The following TBC1D1 variants were observed in gnomAD, a reference collection of about 807,000 sequenced individuals.
The protein encoded by TBC1D1 is TBC1 domain family member 1.
In TBC1D1, 89 loss-of-function variants were observed where a neutral mutation model predicts 125.6. The ratio of observed to expected loss-of-function variants is 0.71; its 90% CI spans 0.60 to 0.85. TBC1D1 has a LOEUF of 0.85. Among genes scored for constraint, TBC1D1 ranks in the 40% least tolerant of loss-of-function variants. TBC1D1 has a pLI of 0.00. For synonymous variants in TBC1D1, 565 were observed against 564.1 expected, an observed-to-expected ratio of 1.00 and a Z score of -0.02; for missense variants, 1,377 against 1,469.2, an observed-to-expected ratio of 0.94 and a Z score of 1.03.
At chr4:38,130,321 T>C (rs972781273) in intron 18 of TBC1D1, among the ~76,000 whole-genome samples, 15 of 152,236 alleles carry the variant, frequency 9.9e-5, no homozygotes, top group African/African-American at 3.6e-4. Context: ...ATATAAAAGT[T>C]GTATTTGGTG....
intron 2 of TBC1D1, among the ~76,000 whole-genome samples, chr4:37,913,228 T>C (rs531352105): frequency 3.3e-5 from 5 of 152,188 alleles, no homozygotes; most frequent in Non-Finnish European, 7.3e-5. Context: ...GATGCTTATA[T>C]GCTTGGTTCC....
chr4:38,052,194 T>TGTGTGTGTGTGTGTGTGTGTGTGC lies in TBC1D1; in HGVS notation c.1911-2004_1911-2003insTGTGTGTGTGTGTGTGTGTGTGCG, dbSNP rs755025486. 45 of 581,516 alleles carry TGTGTGTGTGTGTGTGTGTGTGTGC rather than the reference T, an allele frequency of 7.7e-5. No individual in the cohort carries two copies. In the South Asian group the frequency reaches 9.1e-4, roughly 12 times the overall value. The allele number at this position is 581,516 out of a possible 1,614,324, so 36.0% of individuals were successfully genotyped here. On this transcript the variant is annotated intron_variant, in intron 11 of 19. Coordinates refer to ENST00000261439, the MANE Select transcript of TBC1D1 (RefSeq NM_015173.4). Reference sequence around the variant, plus strand: ...GTGTGTGTGTGTGTGTGTGTGTGTGTGCGCGCGCGTGTGTGTCTTTGTTTA... The same window carrying TGTGTGTGTGTGTGTGTGTGTGTGC: ...GTGTGTGTGTGTGTGTGTGTGTGTGTGTGTGTGTGTGTGTGTGTGTGTGCGCGCGCGCGTGTGTGTCTTTGTTTA...
chr4:37,922,958 CTT>C (rs1274501126), intron 2 of TBC1D1, among the ~76,000 whole-genome samples: 5 of 149,034 alleles, frequency 3.4e-5, no homozygotes, highest in Non-Finnish European at 7.4e-5. Flanking sequence ...AGTTCTCTCT[CTT>C]TTTTTTTTAA....
At position 38,038,167 on chromosome 4, in the gene TBC1D1, T is replaced by C. The variant is rs914277730; in HGVS notation, c.1413+2469T>C. On this transcript the variant is annotated intron_variant, in intron 8 of 19. Transcript: ENST00000261439. Reference sequence around the variant, plus strand: ...TGAGTAGTGGAGCCACTTTGTCTGATGTCTAAGTACTTTATCTTAATTATT... The same window carrying C: ...TGAGTAGTGGAGCCACTTTGTCTGACGTCTAAGTACTTTATCTTAATTATT... Among the ~76,000 whole-genome samples, 5 of 152,220 alleles carry C rather than the reference T, an allele frequency of 3.3e-5. No homozygotes were observed. In the South Asian group the frequency reaches 1.0e-3, roughly 32 times the overall value.
chr4:37,961,094 T>G, intron 2 of TBC1D1: 1 of 1,546,038 alleles, frequency 6.5e-7, no homozygotes. Context: ...TAAAGCATTA[T>G]TTGTTTAACA....
chr4:38,056,796 A>G (rs1193439243), intron 12 of TBC1D1, among the ~76,000 whole-genome samples: 1 of 152,122 alleles, frequency 6.6e-6, no homozygotes, highest in Non-Finnish European at 1.5e-5. Context: ...CAACAGAGTG[A>G]GACCTTGTCT....
At chr4:37,940,991 T>C (rs958681436) in intron 2 of TBC1D1, among the ~76,000 whole-genome samples, 1 of 152,198 alleles carries the variant, frequency 6.6e-6, no homozygotes, top group African/African-American at 2.4e-5. Context: ...TTCTCTTTTT[T>C]TGTTGTGTCT....
chr4:38,015,050 G>A (rs1037897510), intron 3 of TBC1D1, 77 bp downstream of exon 3: 1 of 1,229,888 alleles, frequency 8.1e-7, no homozygotes, highest in African/African-American at 1.5e-5. Flanking sequence ...ATGGAGCGAA[G>A]ATTCTTAGTC....
chr4:38,084,615 C>G (rs1757157551), intron 12 of TBC1D1, among the ~76,000 whole-genome samples: 1 of 152,120 alleles, frequency 6.6e-6, no homozygotes, highest in South Asian at 2.1e-4. Context: ...GATGTTAATC[C>G]CGTTGTTGTT....
At chr4:37,967,926 A>T (rs1443886515) in intron 2 of TBC1D1, among the ~76,000 whole-genome samples, 1 of 152,202 alleles carries the variant, frequency 6.6e-6, no homozygotes, top group African/African-American at 2.4e-5. Flanking sequence ...TTTTTCCATG[A>T]ATTTGAAACA....
At chr4:38,039,941 C>T (rs1390224906) in intron 8 of TBC1D1, among the ~76,000 whole-genome samples, 1 of 151,240 alleles carries the variant, frequency 6.6e-6, no homozygotes, top group African/African-American at 2.4e-5. Flanking sequence ...TAGCGAGACC[C>T]CCATCTCTGT....
intron 1 of TBC1D1, among the ~76,000 whole-genome samples, chr4:37,892,717 G>T (rs1713619723): frequency 6.6e-6 from 1 of 152,150 alleles, no homozygotes; most frequent in Non-Finnish European, 1.5e-5. Flanking sequence ...GAGTGCTGGG[G>T]CTTCCCCTTT....
intron 6 of TBC1D1, among the ~76,000 whole-genome samples, chr4:38,024,180 AT>A (rs1297223088): frequency 6.6e-6 from 1 of 152,220 alleles, no homozygotes; most frequent in Admixed American, 6.5e-5. Flanking sequence ...CGTTGTTACT[AT>A]TTGCTGACAT....
At chr4:38,109,681 T>C (rs959444397) in intron 15 of TBC1D1, among the ~76,000 whole-genome samples, 13 of 152,146 alleles carry the variant, frequency 8.5e-5, no homozygotes, top group African/African-American at 2.9e-4. Flanking sequence ...AACAATCTGC[T>C]CCTAGAAGGA....
At chr4:38,006,768 T>G (rs371107775) in intron 2 of TBC1D1, 3 of 461,520 alleles carry the variant, frequency 6.5e-6, no homozygotes, top group South Asian at 1.6e-5. Flanking sequence ...CGTGAGCCAC[T>G]GCGCCTGGCC....
chr4:38,044,037 G>A (rs1002461928), intron 8 of TBC1D1, among the ~76,000 whole-genome samples: 1 of 152,202 alleles, frequency 6.6e-6, no homozygotes, highest in African/African-American at 2.4e-5. Flanking sequence ...GAAGTTTGAG[G>A]CTCAGAAAAG....
intron 3 of TBC1D1, among the ~76,000 whole-genome samples, chr4:38,015,593 T>A (rs1234624198): frequency 6.6e-6 from 1 of 152,118 alleles, no homozygotes; most frequent in Non-Finnish European, 1.5e-5. Context: ...TGAATGGGTG[T>A]GCCCTCCCTG....
intron 12 of TBC1D1, among the ~76,000 whole-genome samples, chr4:38,062,079 G>T (rs1479505111): frequency 1.3e-5 from 2 of 152,136 alleles, no homozygotes; most frequent in African/African-American, 4.8e-5. Flanking sequence ...CAGTGAGTGT[G>T]GGGATGGGGT....
intron 2 of TBC1D1, among the ~76,000 whole-genome samples, chr4:37,957,722 T>TAAA (rs980413509): frequency 2.0e-5 from 3 of 152,250 alleles, no homozygotes; most frequent in African/African-American, 7.2e-5. Context: ...CACTTTTTCA[T>TAAA]AAAAGTTCAG....
Sources: gnomAD v4.1 joint callset for allele counts (sites outside exome capture counted in the v4.1 genomes callset) on GRCh38, gnomAD v4.1.1 for gene constraint, MANE v1.5 for transcripts, NCBI Gene and HGNC (gene_info 2026-07-23, HGNC 2026-07-21) for gene names.